The following ELP3 variants were observed in gnomAD, a reference collection of about 807,000 sequenced individuals.
ELP3 encodes elongator complex protein 3.
In ELP3, 56 loss-of-function variants were observed where a neutral mutation model predicts 74.9. The observed-to-expected ratio is 0.75, with a 90% CI of 0.60 to 0.93. The LOEUF is 0.93. Ranked by LOEUF, ELP3 falls within the 40% of genes least tolerant of loss-of-function variation. The pLI is 0.00. For synonymous variants in ELP3, 222 were observed against 239.8 expected, an observed-to-expected ratio of 0.93 and a Z score of 0.68; for missense variants, 573 against 686.5, an observed-to-expected ratio of 0.83 and a Z score of 1.85.
chr8:28,130,303 A>G (rs1340363538), intron 8 of ELP3, among the ~76,000 whole-genome samples: 1 of 152,170 alleles, frequency 6.6e-6, no homozygotes, highest in Non-Finnish European at 1.5e-5. Flanking sequence ...TTGACCGAGA[A>G]TTCTAACGGT....
intron 7 of ELP3, among the ~76,000 whole-genome samples, chr8:28,119,649 AC>A (rs1485183760): frequency 1.6e-5 from 2 of 126,530 alleles, no homozygotes; most frequent in African/African-American, 2.9e-5. Context: ...TATTAAGTAT[AC>A]CATTTGATTA....
intron 6 of ELP3, chr8:28,112,710 T>C (rs1466944076): frequency 5.1e-6 from 1 of 196,072 alleles, no homozygotes; most frequent in Non-Finnish European, 1.0e-5. Context: ...CAAATTGTAT[T>C]ATATTTGTCT....
At chr8:28,094,000 TC>T (rs1355364925) in intron 1 of ELP3, among the ~76,000 whole-genome samples, 20 of 152,348 alleles carry the variant, frequency 1.3e-4, no homozygotes, top group Admixed American at 7.2e-4. Context: ...ATCTGTGACC[TC>T]AAAAAACATA....
intron 10 of ELP3, among the ~76,000 whole-genome samples, chr8:28,151,085 A>G (rs1563274930): frequency 6.6e-6 from 1 of 152,100 alleles, no homozygotes; most frequent in Admixed American, 6.5e-5. Context: ...TGTGTGACAC[A>G]TTTTGTAATT....
intron 1 of ELP3, among the ~76,000 whole-genome samples, chr8:28,095,450 C>A (rs1811215459): frequency 6.6e-6 from 1 of 152,212 alleles, no homozygotes; most frequent in Admixed American, 6.5e-5. Context: ...CTTCCCTTCT[C>A]CCTTCCTCTG....
rs762775317 is a variant in ELP3 at position 28,129,694 on chromosome 8, T to C, written c.779+31T>C. On this transcript the variant is annotated intron_variant, in intron 8 of 14. Transcript: ENST00000256398. ...ATGGTGGCAGGTGATCTTGCACAAG[T>C]CTTCCTCCAAGTTCACCATTTTCTC... 1.9e-6 allele frequency: 3 copies of C among 1,611,924 alleles called. No individual in the cohort carries two copies. The South Asian group carries it at 3.3e-5, about 18-fold the overall frequency.
rs116703160 is a variant in ELP3, at chr8:28,095,540, G to T, written c.20-1679G>T. On this transcript the variant is annotated intron_variant, in intron 1 of 14. Transcript: ENST00000256398. ...GAACTCTGGAAGTGCTGAGTTACAT[G>T]GTTTGGAAAGCATTTAGCCTTTGAG... is the stretch of plus-strand genomic sequence containing the variant. 2.6e-3 allele frequency among the ~76,000 whole-genome samples: 400 copies of T among 152,244 alleles called. 2 individuals are homozygous for T. The highest frequency in any genetic ancestry group is 9.1e-3 in the African/African-American group (380 of 41,538).
At chr8:28,090,691 A>G (rs547100463), upstream of ELP3, among the ~76,000 whole-genome samples, 7 of 151,924 alleles carry the variant, frequency 4.6e-5, no homozygotes, top group Non-Finnish European at 1.0e-4. Flanking sequence ...AACTCAAAGC[A>G]TTGATGTGGG....
chr8:28,139,147 A>G (rs1338598746), intron 10 of ELP3, among the ~76,000 whole-genome samples: 1 of 152,160 alleles, frequency 6.6e-6, no homozygotes, highest in East Asian at 1.9e-4. Flanking sequence ...ATTCATTCCC[A>G]CCAAGGGCAG....
In ELP3 at chr8:28,173,589, A is replaced by G. The variant is rs183420050; in HGVS notation, c.1567+11511A>G. Among the ~76,000 whole-genome samples, 21 of 147,778 alleles carry G rather than the reference A, an allele frequency of 1.4e-4. 1 individual carries two copies. In the East Asian group the frequency reaches 4.0e-3, roughly 28 times the overall value. ...TAATTCTCTATCTTCACTCTAATCT[A>G]TTATTTTCTTCCTTCTGCTAGCTTT... On this transcript the variant is annotated intron_variant, in intron 14 of 14. Coordinates refer to ENST00000256398, the MANE Select transcript of ELP3 (RefSeq NM_018091.6).
intron 10 of ELP3, among the ~76,000 whole-genome samples, chr8:28,150,218 A>G (rs1813588735): frequency 6.6e-6 from 1 of 152,240 alleles, no homozygotes; most frequent in Admixed American, 6.5e-5. Flanking sequence ...ATAATTGAAT[A>G]CATTGTTGCT....
chr8:28,189,203 C>G (rs999919154), intron 14 of ELP3, among the ~76,000 whole-genome samples: 2 of 152,214 alleles, frequency 1.3e-5, no homozygotes, highest in South Asian at 4.1e-4. Context: ...CATTTTTTCC[C>G]CCACTCTTCT....
At chr8:28,100,312 G>C (rs1262244286) in intron 3 of ELP3, among the ~76,000 whole-genome samples, 1 of 152,198 alleles carries the variant, frequency 6.6e-6, no homozygotes, top group Admixed American at 6.5e-5. Context: ...GTAGTTAATG[G>C]TGCAAAGTAG....
chr8:28,183,018 A>G (rs563340181), intron 14 of ELP3, among the ~76,000 whole-genome samples: 2 of 151,808 alleles, frequency 1.3e-5, no homozygotes, highest in Non-Finnish European at 2.9e-5. Context: ...GTGCTGAATA[A>G]CTCTACTCCT....
intron 14 of ELP3, among the ~76,000 whole-genome samples, chr8:28,174,306 A>G (rs1256946344): frequency 6.6e-6 from 1 of 152,100 alleles, no homozygotes; most frequent in African/African-American, 2.4e-5. Context: ...TGATAATTGT[A>G]TAAATCTTCC....
intron 10 of ELP3, among the ~76,000 whole-genome samples, chr8:28,155,653 T>C (rs1813796212): frequency 6.6e-6 from 1 of 152,208 alleles, no homozygotes. Context: ...CAAATGGTTA[T>C]TGGGCATTCA....
At chr8:28,158,755 T>C (rs1813945817) in intron 12 of ELP3, 122 bp downstream of exon 12, 2 of 758,648 alleles carry the variant, frequency 2.6e-6, no homozygotes, top group Non-Finnish European at 4.5e-6. Context: ...CAGAGACTAA[T>C]CGAGGATTAG....
intron 14 of ELP3, among the ~76,000 whole-genome samples, chr8:28,165,278 C>T (rs1408122741): frequency 6.6e-6 from 1 of 152,072 alleles, no homozygotes; most frequent in Non-Finnish European, 1.5e-5. Context: ...TAGGTGGGAC[C>T]TTTTCTGTGC....
At chr8:28,133,024 A>T (rs1812839931) in intron 9 of ELP3, among the ~76,000 whole-genome samples, 1 of 152,158 alleles carries the variant, frequency 6.6e-6, no homozygotes, top group African/African-American at 2.4e-5. Flanking sequence ...GCAGAGAGTT[A>T]TAACAATTTA....
Sources: allele counts gnomAD v4.1 joint callset (sites outside exome capture counted in the v4.1 genomes callset), GRCh38; gene constraint gnomAD v4.1.1; transcripts MANE v1.5; gene names NCBI Gene and HGNC (gene_info 2026-07-23, HGNC 2026-07-21).